The following LCN8 variants were observed in gnomAD, a reference collection of about 807,000 sequenced individuals.
LCN8 encodes lipocalin 8.
In LCN8, 16 loss-of-function variants were observed where a neutral mutation model predicts 22.8. The ratio of observed to expected loss-of-function variants is 0.70; its 90% CI spans 0.47 to 1.06. LCN8 has a LOEUF of 1.06. Among genes scored for constraint, LCN8 ranks in the 50% least tolerant of loss-of-function variants. LCN8 has a pLI of 0.00. For missense variants in LCN8, 189 were observed against 203.3 expected (o/e 0.93, Z 0.43); for synonymous variants, 92 against 83.4 (o/e 1.10, Z -0.56).
rs1408151069 is a variant in LCN8, at chr9:136,756,988, T to A, written c.155+50A>T. On this transcript the variant is annotated intron_variant, in intron 2 of 6. Transcript: ENST00000371688. ...AGCGGGTGCAGCAACCCACGCCCAG[T>A]CCCCGGCCATGCATGCCTCTTCCTC... 2.5e-6 allele frequency: 4 copies of A among 1,595,428 alleles called. No individual in the cohort carries two copies. The South Asian group carries it at 4.5e-5, about 18-fold the overall frequency.
In LCN8 at chr9:136,757,085, G is replaced by A. The variant is rs1373639013; in HGVS notation, c.108C>T (p.Phe36=). 1 of 1,613,566 alleles carries A rather than the reference G, an allele frequency of 6.2e-7. No individual in the cohort carries two copies. ...TCAGGTTACTCCCGCTCAAGGTGAG[G>A]AACAAGCCCTCCACCCGCTTCGGGG... ...LTAPKRVEGL[F]LTLSGSNLTV... is the part of the protein sequence containing the mutation. Residue 36 remains phenylalanine (F), a synonymous_variant, in exon 2 of 7, where the codon TTC becomes TTT. Transcript: ENST00000371688.
rs141042986 is a variant in LCN8, at chr9:136,756,561, C to T, written c.187G>A (p.Gly63Ser). The T allele has an allele frequency of 7.4e-6, 12 of 1,613,850 alleles. No individual in the cohort carries two copies. The highest frequency in any genetic ancestry group is 1.0e-5 in the Non-Finnish European group (12 of 1,179,998). ...SGSCEIEKIV[G>S]SEIDSTGKFA... is the part of the protein sequence containing the mutation. ...TTTCCCGTACTGTCTATTTCTGAGC[C>T]CACGATCTTCTCTATCTCACAGCTT... The change falls in exon 3 of 7, where the codon GGC becomes AGC. Residue 63 changes from glycine to serine, a missense_variant. Physicochemically the swap from Gly to Ser is moderately conservative, Grantham distance 56. Transcript: ENST00000371688.
At chr9:136,757,851 A>G (rs1847246789) in intron 1 of LCN8, 56 bp downstream of exon 1, 2 of 1,613,226 alleles carry the variant, frequency 1.2e-6, no homozygotes, top group African/African-American at 2.7e-5. Context: ...TCCTTCCCTG[A>G]GCCTGAGGGG....
chr9:136,755,419 C>T lies in LCN8; in HGVS notation c.324G>A (p.Lys108=), dbSNP rs202195317. Residue 108 remains lysine (K), a synonymous_variant, in exon 4 of 7, where the codon AAG becomes AAA. Coordinates refer to ENST00000371688, the MANE Select transcript of LCN8 (RefSeq NM_178469.4). ...CCCCAGGGCCAAGCTTACTAAAGTACTTGAGGACGCGAAAGTTCCTGCCCC... is the reference window on the plus strand; with the variant it reads ...CCCCAGGGCCAAGCTTACTAAAGTATTTGAGGACGCGAAAGTTCCTGCCCC... ...MWRGRNFRVL[K]YFTRSLEDKD... is the part of the protein sequence containing the mutation. 1.0e-4 allele frequency: 162 copies of T among 1,611,672 alleles called. No homozygotes were observed. Among genetic ancestry groups the T allele is most frequent in the Non-Finnish European group, 9.7e-5 (115 of 1,179,930 alleles).
intron 2 of LCN8, 44 bp downstream of exon 2, chr9:136,756,994 G>A (rs1344459053): frequency 6.2e-6 from 10 of 1,600,588 alleles, no homozygotes; most frequent in Non-Finnish European, 8.5e-6. Flanking sequence ...CCAGTCCCCG[G>A]CCATGCATGC....
intron 1 of LCN8, chr9:136,757,433 A>G (rs2811735): frequency 0.66 from 922,353 of 1,396,992 alleles, 308,632 homozygotes; most frequent in East Asian, 0.73. Context: ...AACAGTCCCT[A>G]GGGCTTCTGC....
chr9:136,756,027 A>G (rs995873827), intron 3 of LCN8: 3 of 1,302,968 alleles, frequency 2.3e-6, no homozygotes, highest in Admixed American at 4.6e-5. Context: ...AGTGCAGGAA[A>G]CAGCATGGGG....
rs1245071026 is a variant in LCN8, at chr9:136,758,241, G to A, written c.-311C>T. ...TCCTGGCATATGGACAGCGGTGGAC[G>A]CTGCTGGGGCCGTCTCGGAGCCTGA... is the stretch of plus-strand genomic sequence containing the variant. On this transcript the variant is annotated 5_prime_UTR_variant, in exon 1 of 7. Coordinates refer to ENST00000371688, the MANE Select transcript of LCN8 (RefSeq NM_178469.4). 8 of 1,284,596 alleles carry A rather than the reference G, an allele frequency of 6.2e-6. No individual in the cohort carries two copies. Among genetic ancestry groups the A allele is most frequent in the South Asian group, 2.3e-5 (1 of 42,572 alleles). 79.6% of individuals were successfully genotyped at this position (1,284,596 alleles called of 1,614,324 possible).
chr9:136,755,671 T>C, intron 3 of LCN8, 155 bp from the exon 4 acceptor site: 1 of 1,215,594 alleles, frequency 8.2e-7, no homozygotes, highest in South Asian at 1.8e-5. Flanking sequence ...TGATCCAGTG[T>C]GTTGGTGGGA....
chr9:136,757,459 ACCACAGG>A, intron 1 of LCN8: 1 of 1,359,974 alleles, frequency 7.4e-7, no homozygotes, highest in Non-Finnish European at 9.5e-7. Context: ...GTCGGGAGGA[ACCACAGG>A]CCCTGCCTGA....
rs188402837 is a variant in LCN8 at position 136,757,080 on chromosome 9, G to A, written c.113C>T (p.Thr38Ile). 3.1e-6 allele frequency: 5 copies of A among 1,613,552 alleles called. No individual in the cohort carries two copies. The East Asian group carries it at 1.1e-4, about 36-fold the overall frequency. ...APKRVEGLFL[T>I]LSGSNLTVKV... ...CACGGTCAGGTTACTCCCGCTCAAGGTGAGGAACAAGCCCTCCACCCGCTT... is the reference window on the plus strand; with the variant it reads ...CACGGTCAGGTTACTCCCGCTCAAGATGAGGAACAAGCCCTCCACCCGCTT... The change falls in exon 2 of 7, where the codon ACC (threonine) becomes ATC (isoleucine). Residue 38 changes from threonine to isoleucine, a missense_variant. Thr to Ile is a moderately conservative substitution (Grantham distance 89). Transcript: ENST00000371688.
At chr9:136,757,698 T>G (rs1382937111) in intron 1 of LCN8, 1 of 985,302 alleles carries the variant, frequency 1.0e-6, no homozygotes, top group Non-Finnish European at 1.2e-6. Context: ...AATCTTCGTC[T>G]CCGGCATCTA....
rs377343381 is a variant in LCN8 at position 136,757,132 on chromosome 9, C to G, written c.61G>C (p.Asp21His). 4.3e-6 allele frequency: 7 copies of G among 1,613,162 alleles called. No individual in the cohort carries two copies. The highest frequency in any genetic ancestry group is 4.5e-5 in the East Asian group (2 of 44,856). Residue 21 changes from aspartate to histidine, a missense_variant, in exon 2 of 7, where the codon GAT becomes CAT. Asp to His is a moderately conservative substitution (Grantham distance 81). Transcript: ENST00000371688. Reference protein sequence around the residue: ...GFWREVGVASDQSLVLTAPKR... With the variant: ...GFWREVGVASHQSLVLTAPKR... ...GGGGCCGTCAGCACCAGGCTTTGAT[C>G]GGAGGCCACACCGACTTCCCTCCAG...
rs78266538 is a variant in LCN8, at chr9:136,757,522, G to A, written c.25-354C>T. The A allele has an allele frequency of 1.9e-3, 2,581 of 1,352,004 alleles. 33 individuals carry two copies. In the African/African-American group the frequency reaches 0.03, roughly 16 times the overall value. 83.8% of individuals were successfully genotyped at this position (1,352,004 alleles called of 1,614,324 possible). ...AGCAGAGGCCTGGAAAAGAAAGCCC[G>A]CAGGGCGCGGCGGAGTGAGAAACGC... On this transcript the variant is annotated intron_variant, in intron 1 of 6. Coordinates refer to ENST00000371688, the MANE Select transcript of LCN8 (RefSeq NM_178469.4).
chr9:136,754,563 G>A (rs919403837), intron 6 of LCN8, 54 bp from the exon 7 acceptor site: 9 of 1,541,696 alleles, frequency 5.8e-6, no homozygotes, highest in African/African-American at 1.4e-5. Context: ...GAGGCCCCAC[G>A]GGGCTTCGAT....
rs1446545328 is a variant in LCN8, at chr9:136,757,079, G to C, written c.114C>G (p.Thr38=). The C allele has an allele frequency of 6.2e-7, 1 of 1,613,576 alleles. No homozygotes were observed. The highest frequency in any genetic ancestry group is 1.1e-5 in the South Asian group (1 of 90,940). ...APKRVEGLFL[T]LSGSNLTVKV... ...TCACGGTCAGGTTACTCCCGCTCAAGGTGAGGAACAAGCCCTCCACCCGCT... is the reference window on the plus strand; with the variant it reads ...TCACGGTCAGGTTACTCCCGCTCAACGTGAGGAACAAGCCCTCCACCCGCT... Residue 38 remains threonine, a synonymous_variant, in exon 2 of 7, where the codon ACC becomes ACG. Transcript: ENST00000371688.
At chr9:136,757,467 CCCTG>C in intron 1 of LCN8, 2 of 1,356,718 alleles carry the variant, frequency 1.5e-6, no homozygotes, top group Non-Finnish European at 1.9e-6. Flanking sequence ...GAACCACAGG[CCCTG>C]CCTGACCTCG....
intron 3 of LCN8, 62 bp downstream of exon 3, chr9:136,756,460 A>G (rs1241128628): frequency 1.2e-6 from 2 of 1,613,894 alleles, no homozygotes; most frequent in Non-Finnish European, 1.7e-6. Context: ...CATGGGGAAC[A>G]ATAAGGCCTA....
Position 136,756,516 on chromosome 9 carries a change from A to T in LCN8, c.226+6T>A. On this transcript the variant is annotated splice_donor_region_variant and intron_variant, in intron 3 of 6. Coordinates refer to ENST00000371688, the MANE Select transcript of LCN8 (RefSeq NM_178469.4). ...CCACCTGCCATCACAGGGCAACTGC[A>T]CTTACCAGGAAAAGCGAATTTTCCC... is the stretch of plus-strand genomic sequence containing the variant. 6.2e-7 allele frequency: 1 copy of T among 1,614,156 alleles called. No individual in the cohort carries two copies. Among genetic ancestry groups the T allele is most frequent in the Non-Finnish European group, 8.5e-7 (1 of 1,180,026 alleles).
Sources: gnomAD v4.1 joint callset for allele counts on GRCh38, gnomAD v4.1.1 for gene constraint, MANE v1.5 for transcripts, NCBI Gene and HGNC (gene_info 2026-07-23, HGNC 2026-07-21) for gene names.